SFRP1: variants seen among roughly 807,000 people sequenced by gnomAD.
SFRP1 encodes the protein secreted frizzled-related protein 1.
Under a neutral mutation model 25.9 loss-of-function variants are expected in SFRP1, and 9 were observed. The observed-to-expected ratio is 0.35, with a 90% CI of 0.21 to 0.61. SFRP1 has a LOEUF of 0.61. Ranked by LOEUF, SFRP1 falls within the 20% of genes least tolerant of loss-of-function variation. The probability of loss-of-function intolerance (pLI) is 0.78; values close to 1 mark genes in which losing one functional copy is unlikely to be tolerated. For synonymous variants in SFRP1, 178 were observed against 174.0 expected (o/e 1.02, Z -0.18); for missense variants, 346 against 418.2 (o/e 0.83, Z 1.51).
intron 1 of SFRP1, among the ~76,000 whole-genome samples, chr8:41,308,253 G>A (rs1804022790): frequency 2.6e-5 from 4 of 152,222 alleles, no homozygotes; most frequent in Admixed American, 2.0e-4. Context: ...TCCTCCTAGA[G>A]GAGAGGGAAG....
chr8:41,289,430 C>T (rs190372210), intron 2 of SFRP1, among the ~76,000 whole-genome samples: 14 of 152,310 alleles, frequency 9.2e-5, no homozygotes, highest in Admixed American at 2.0e-4. Context: ...TATCTTCTAA[C>T]GCAGAAGTCT....
chr8:41,267,534 G>C (rs1012213808), intron 2 of SFRP1, among the ~76,000 whole-genome samples: 5 of 152,282 alleles, frequency 3.3e-5, no homozygotes, highest in African/African-American at 1.2e-4. Flanking sequence ...TTTTAATGAT[G>C]CAAGGCTTCC....
At chr8:41,300,846 A>G (rs921770225) in intron 2 of SFRP1, among the ~76,000 whole-genome samples, 6 of 152,202 alleles carry the variant, frequency 3.9e-5, no homozygotes, top group Admixed American at 6.5e-5. Context: ...ACTTTGCCCC[A>G]TCTAAGTCTT....
chr8:41,292,329 G>T (rs1251005194), intron 2 of SFRP1, among the ~76,000 whole-genome samples: 2 of 152,116 alleles, frequency 1.3e-5, no homozygotes, highest in African/African-American at 4.8e-5. Context: ...AGACCTGGTG[G>T]GAGGTGACTG....
chr8:41,271,480 G>C (rs1194951281), intron 2 of SFRP1: 1 of 187,896 alleles, frequency 5.3e-6, no homozygotes, highest in African/African-American at 2.3e-5. Flanking sequence ...AATTCGGCCA[G>C]GGTTCTCATT....
rs958092656 is a variant in SFRP1, at chr8:41,262,733, A to G, written c.*2434T>C. 2 of 152,212 alleles carry G rather than the reference A, an allele frequency of 1.3e-5. No homozygotes were observed. The highest frequency in any genetic ancestry group is 4.8e-5 in the African/African-American group (2 of 41,452). The allele number at this position is 152,212 out of a possible 1,614,324, so 9.4% of individuals were successfully genotyped here. A position where few individuals can be genotyped will look rare whatever the true frequency, so the allele number is the denominator to read the frequency against. On this transcript the variant is annotated 3_prime_UTR_variant, in exon 3 of 3. Coordinates refer to ENST00000220772, the MANE Select transcript of SFRP1 (RefSeq NM_003012.5). ...CCAATGACCAGGCCAATCAGTCTGC[A>G]CATTGGTTTTGTTAGATACTTTGTG... is the stretch of plus-strand genomic sequence containing the variant.
chr8:41,305,417 T>C (rs1803980438), intron 1 of SFRP1, among the ~76,000 whole-genome samples: 1 of 152,206 alleles, frequency 6.6e-6, no homozygotes. Flanking sequence ...CCTCTCAGAA[T>C]GGCAGGAGCT....
chr8:41,281,732 C>T (rs546823833), intron 2 of SFRP1, among the ~76,000 whole-genome samples: 3 of 152,344 alleles, frequency 2.0e-5, no homozygotes, highest in African/African-American at 7.2e-5. Flanking sequence ...AGCTGCAATG[C>T]TGTGTGCAGG....
At chr8:41,272,821 C>T (rs1454504273) in intron 2 of SFRP1, among the ~76,000 whole-genome samples, 1 of 152,094 alleles carries the variant, frequency 6.6e-6, no homozygotes, top group Non-Finnish European at 1.5e-5. Flanking sequence ...TACAAGAAAA[C>T]TTTCCAGAAA....
At chr8:41,284,258 G>A (rs964074378) in intron 2 of SFRP1, among the ~76,000 whole-genome samples, 10 of 152,102 alleles carry the variant, frequency 6.6e-5, no homozygotes, top group South Asian at 2.1e-4. Flanking sequence ...TATGGAAACC[G>A]GCCACACTGT....
chr8:41,272,418 T>C (rs1803521044), intron 2 of SFRP1, among the ~76,000 whole-genome samples: 1 of 152,224 alleles, frequency 6.6e-6, no homozygotes, highest in South Asian at 2.1e-4. Context: ...CCGACCAGCC[T>C]GGCCAACGTG....
At chr8:41,280,349 T>C (rs1203926816) in intron 2 of SFRP1, among the ~76,000 whole-genome samples, 1 of 152,230 alleles carries the variant, frequency 6.6e-6, no homozygotes, top group Non-Finnish European at 1.5e-5. Flanking sequence ...GCCAAGAATC[T>C]AAAAAGCTAA....
intron 2 of SFRP1, among the ~76,000 whole-genome samples, chr8:41,285,655 C>G (rs1456528460): frequency 6.6e-6 from 1 of 152,120 alleles, no homozygotes; most frequent in African/African-American, 2.4e-5. Flanking sequence ...GATACAACAG[C>G]AGGGCTGTGG....
At chr8:41,279,574 C>T (rs1803609925) in intron 2 of SFRP1, among the ~76,000 whole-genome samples, 2 of 152,040 alleles carry the variant, frequency 1.3e-5, no homozygotes, top group African/African-American at 4.8e-5. Context: ...AGAAGCAAAA[C>T]GAACCACATA....
intron 2 of SFRP1, among the ~76,000 whole-genome samples, chr8:41,269,009 A>G (rs1803470082): frequency 6.6e-6 from 1 of 152,224 alleles, no homozygotes. Flanking sequence ...CTCTGTCTGT[A>G]AAGTGCAGGG....
intron 2 of SFRP1, among the ~76,000 whole-genome samples, chr8:41,302,925 G>A (rs532506404): frequency 3.9e-4 from 60 of 151,900 alleles, no homozygotes; most frequent in Admixed American, 1.6e-3. Context: ...TCTTTGCCTC[G>A]CGGAACCTGA....
At chr8:41,288,173 C>A (rs2117502035) in intron 2 of SFRP1, among the ~76,000 whole-genome samples, 1 of 152,158 alleles carries the variant, frequency 6.6e-6, no homozygotes, top group South Asian at 2.1e-4. Flanking sequence ...GCCTGGACAA[C>A]ATGGTGAAAC....
chr8:41,299,315 T>A (rs1026579017), intron 2 of SFRP1, among the ~76,000 whole-genome samples: 2 of 151,746 alleles, frequency 1.3e-5, no homozygotes, highest in Non-Finnish European at 2.9e-5. Flanking sequence ...ATCAATTCCA[T>A]CCCCAGAGTA....
intron 2 of SFRP1, among the ~76,000 whole-genome samples, chr8:41,274,867 A>G (rs1483227409): frequency 6.6e-6 from 1 of 152,242 alleles, no homozygotes; most frequent in Non-Finnish European, 1.5e-5. Flanking sequence ...AAAATGTCAG[A>G]TCATGAAGGA....
Sources: allele counts gnomAD v4.1 joint callset (sites outside exome capture counted in the v4.1 genomes callset), GRCh38; gene constraint gnomAD v4.1.1; transcripts MANE v1.5; gene names NCBI Gene and HGNC (gene_info 2026-07-23, HGNC 2026-07-21).